The following TCEA1 variants were observed in gnomAD, a reference collection of about 807,000 sequenced individuals.
The protein encoded by TCEA1 is transcription elongation factor A1, also known as transcription elongation factor A protein 1.
TCEA1 carries 21 observed loss-of-function variants against 43.8 expected under a neutral mutation model. That is an observed-to-expected ratio of 0.48 (90% CI 0.34 to 0.69). The LOEUF is 0.69. TCEA1 is among the 30% of genes least tolerant of loss of function. TCEA1 has a pLI of 0.01. For missense variants in TCEA1, 250 were observed against 365.1 expected (o/e 0.68, Z 2.57); for synonymous variants, 104 against 117.5 (o/e 0.88, Z 0.75).
intron 4 of TCEA1, among the ~76,000 whole-genome samples, chr8:53,988,897 C>T (rs564710748): frequency 5.3e-5 from 8 of 152,108 alleles, no homozygotes; most frequent in African/African-American, 1.9e-4. Flanking sequence ...GGTGAAACCC[C>T]GTCTCTATTA....
chr8:53,999,755 C>T (rs1804193580), intron 3 of TCEA1, 190 bp downstream of exon 3: 3 of 453,616 alleles, frequency 6.6e-6, no homozygotes, highest in Admixed American at 8.1e-5. Context: ...CCAAATTTGA[C>T]TGGCCTAAAA....
At chr8:54,002,573 G>GAAA (rs11389541) in intron 2 of TCEA1, among the ~76,000 whole-genome samples, 3 of 137,080 alleles carry the variant, frequency 2.2e-5, no homozygotes, top group Non-Finnish European at 3.2e-5. Flanking sequence ...TGGAAAAAAT[G>GAAA]AAAAAAAAAA....
At position 53,977,226 on chromosome 8, in the gene TCEA1, A is replaced by G. The variant is rs962530290; in HGVS notation, c.825+1799T>C. Among the ~76,000 whole-genome samples the G allele has an allele frequency of 2.0e-5, 3 of 152,318 alleles. No individual in the cohort carries two copies. In the Middle Eastern group the frequency reaches 0.01, roughly 518 times the overall value. On this transcript the variant is annotated intron_variant, in intron 8 of 9. Coordinates refer to ENST00000521604, the MANE Select transcript of TCEA1 (RefSeq NM_006756.4). ...TCCCAGCTACTCGGGAGGCTGAGGC[A>G]GGAGAACGGCGTGAACCCGGGAGGC...
chr8:53,970,210 CTT>C, intron 9 of TCEA1, 180 bp downstream of exon 9: 1 of 643,932 alleles, frequency 1.6e-6, no homozygotes, highest in East Asian at 2.8e-5. Flanking sequence ...AGTTAATACT[CTT>C]TATTTCTAGT....
chr8:53,991,947 G>A (rs1012086999), intron 4 of TCEA1, among the ~76,000 whole-genome samples: 15 of 151,862 alleles, frequency 9.9e-5, no homozygotes, highest in African/African-American at 3.4e-4. Context: ...TTAACATGAA[G>A]AGTACATGAT....
intron 1 of TCEA1, 122 bp downstream of exon 1, chr8:54,021,941 G>T: frequency 9.8e-7 from 1 of 1,016,060 alleles, no homozygotes; most frequent in South Asian, 2.8e-5. Context: ...CGGGCGCGGC[G>T]GGCCCGGCTC....
chr8:54,016,978 C>CAAAAAAAAAAA (rs1159105172), intron 1 of TCEA1, among the ~76,000 whole-genome samples: 1 of 67,422 alleles, frequency 1.5e-5, no homozygotes. Context: ...GACTCCGTCT[C>CAAAAAAAAAAA]AAAAAAAAAA....
chr8:54,007,831 C>CAA (rs1192438719), intron 2 of TCEA1, among the ~76,000 whole-genome samples: 1 of 152,070 alleles, frequency 6.6e-6, no homozygotes, highest in East Asian at 1.9e-4. Flanking sequence ...ATGTTATTGG[C>CAA]TATATTAAGT....
intron 2 of TCEA1, among the ~76,000 whole-genome samples, chr8:54,009,396 C>T (rs956298897): frequency 3.3e-5 from 5 of 152,096 alleles, no homozygotes; most frequent in Non-Finnish European, 7.3e-5. Context: ...GCACTATTCA[C>T]AATAGCCAAG....
In TCEA1 at chr8:53,980,725, TTAA is replaced by T. The variant is rs1803476180; in HGVS notation, c.679-1557_679-1555del. On this transcript the variant is annotated intron_variant, in intron 7 of 9. Transcript: ENST00000521604. ...CACAACAATATTGAAATCAGGCCAA[TTAA>T]TAACCCTACAATGGCCTCTAAGTAT... Among the ~76,000 whole-genome samples the T allele has an allele frequency of 2.6e-5, 4 of 152,226 alleles. No homozygotes were observed. In the South Asian group the frequency reaches 8.3e-4, roughly 32 times the overall value.
intron 7 of TCEA1, among the ~76,000 whole-genome samples, chr8:53,981,941 T>C (rs903870604): frequency 4.6e-5 from 7 of 150,564 alleles, no homozygotes; most frequent in African/African-American, 1.7e-4. Context: ...TTTTTTTTTT[T>C]TTTTGTAGAG....
At chr8:54,021,280 G>A (rs1022326938) in intron 1 of TCEA1, among the ~76,000 whole-genome samples, 6 of 152,198 alleles carry the variant, frequency 3.9e-5, no homozygotes, top group Admixed American at 3.9e-4. Context: ...CTGGTCGTAT[G>A]AGGATTTCTT....
intron 2 of TCEA1, chr8:54,002,986 T>C (rs1262500172): frequency 2.2e-6 from 1 of 456,138 alleles, no homozygotes. Flanking sequence ...CAAGAGACAC[T>C]GTTAACATCA....
At chr8:53,984,788 C>A (rs915627909) in intron 6 of TCEA1, among the ~76,000 whole-genome samples, 1 of 151,590 alleles carries the variant, frequency 6.6e-6, no homozygotes, top group Non-Finnish European at 1.5e-5. Flanking sequence ...GAGGCTGAGG[C>A]AGGACAACCA....
chr8:54,020,174 G>A (rs1804976435), intron 1 of TCEA1, among the ~76,000 whole-genome samples: 1 of 152,200 alleles, frequency 6.6e-6, no homozygotes, highest in Admixed American at 6.6e-5. Flanking sequence ...TACAGCCTAA[G>A]TTGGAGAGAA....
chr8:54,020,436 C>T (rs1804983952), intron 1 of TCEA1, among the ~76,000 whole-genome samples: 1 of 152,016 alleles, frequency 6.6e-6, no homozygotes, highest in Admixed American at 6.6e-5. Context: ...TTTGCAAATA[C>T]AGATTAACAG....
intron 8 of TCEA1, among the ~76,000 whole-genome samples, chr8:53,970,869 T>A (rs190367666): frequency 3.7e-4 from 57 of 152,344 alleles, no homozygotes; most frequent in Admixed American, 3.3e-3. Flanking sequence ...ATTAAGAAGA[T>A]GTAAAAATTG....
intron 1 of TCEA1, 95 bp from the exon 2 acceptor site, chr8:54,010,587 A>G (rs1412901534): frequency 3.2e-6 from 3 of 945,824 alleles, no homozygotes; most frequent in Admixed American, 3.1e-5. Context: ...GAAAACAGCT[A>G]AAGAGGAATA....
intron 4 of TCEA1, among the ~76,000 whole-genome samples, chr8:53,991,086 G>A (rs763912177): frequency 3.3e-5 from 5 of 152,070 alleles, no homozygotes; most frequent in East Asian, 1.9e-4. Context: ...CGTCAAGCAC[G>A]TAAAACTGAT....
Sources: gnomAD v4.1 joint callset for allele counts (sites outside exome capture counted in the v4.1 genomes callset) on GRCh38, gnomAD v4.1.1 for gene constraint, MANE v1.5 for transcripts, NCBI Gene and HGNC (gene_info 2026-07-23, HGNC 2026-07-21) for gene names.